Variants in GRID2 observed in about 807,000 individuals in gnomAD.
GRID2 encodes the protein glutamate receptor ionotropic, delta-2.
GRID2 carries 33 observed loss-of-function variants against 114.8 expected under a neutral mutation model. That is an observed-to-expected ratio of 0.29 (90% CI 0.22 to 0.38). GRID2 has a LOEUF of 0.38. Ranked by LOEUF, GRID2 falls within the 10% of genes least tolerant of loss-of-function variation. The pLI is 1.00. For synonymous variants in GRID2, 505 were observed against 449.9 expected, an observed-to-expected ratio of 1.12 and a Z score of -1.55; for missense variants, 1,184 against 1,257.7, an observed-to-expected ratio of 0.94 and a Z score of 0.89.
intron 2 of GRID2, among the ~76,000 whole-genome samples, chr4:92,914,379 G>A (rs1024767089): frequency 3.3e-5 from 5 of 151,882 alleles, no homozygotes. Context: ...ATATATCTAT[G>A]TTCTTCAAAT....
intron 2 of GRID2, among the ~76,000 whole-genome samples, chr4:93,079,185 A>G (rs898264596): frequency 9.2e-5 from 14 of 151,764 alleles, no homozygotes; most frequent in Admixed American, 3.9e-4. Context: ...TATTACATCA[A>G]TGATGGTAGA....
chr4:92,564,540 A>T (rs1009385290), intron 1 of GRID2, among the ~76,000 whole-genome samples: 9 of 152,016 alleles, frequency 5.9e-5, no homozygotes, highest in Admixed American at 2.0e-4. Flanking sequence ...AATGAAATTG[A>T]AGAAGGCCAT....
At chr4:92,570,233 G>A (rs146209568) in intron 1 of GRID2, among the ~76,000 whole-genome samples, 52 of 151,976 alleles carry the variant, frequency 3.4e-4, no homozygotes, top group African/African-American at 5.8e-4. Context: ...CTCATTCCTT[G>A]TTTTTCTCCT....
At chr4:93,082,073 A>G (rs1560859254) in intron 2 of GRID2, among the ~76,000 whole-genome samples, 1 of 152,226 alleles carries the variant, frequency 6.6e-6, no homozygotes, top group Non-Finnish European at 1.5e-5. Flanking sequence ...ATAGGGCCAA[A>G]TGGGCATCAA....
intron 1 of GRID2, among the ~76,000 whole-genome samples, chr4:92,405,631 G>A (rs1579307058): frequency 6.6e-6 from 1 of 150,422 alleles, no homozygotes; most frequent in Non-Finnish European, 1.5e-5. Flanking sequence ...TTTCCACATA[G>A]CAATACATAA....
intron 4 of GRID2, among the ~76,000 whole-genome samples, chr4:93,163,664 G>A (rs762756211): frequency 6.6e-5 from 10 of 150,764 alleles, no homozygotes; most frequent in Non-Finnish European, 1.3e-4. Context: ...TTTTATGATG[G>A]GCTGTCATTA....
chr4:93,332,102 T>G (rs979173065), intron 8 of GRID2, among the ~76,000 whole-genome samples: 7 of 152,100 alleles, frequency 4.6e-5, no homozygotes, highest in Non-Finnish European at 1.0e-4. Context: ...CAGAATGTAT[T>G]GCCAACCCAC....
chr4:92,417,866 T>C (rs550523870), intron 1 of GRID2, among the ~76,000 whole-genome samples: 1 of 152,106 alleles, frequency 6.6e-6, no homozygotes, highest in East Asian at 1.9e-4. Context: ...ATAAGTCTCA[T>C]GCGATCTGAC....
At chr4:92,942,626 T>C (rs1387537205) in intron 2 of GRID2, among the ~76,000 whole-genome samples, 2 of 152,174 alleles carry the variant, frequency 1.3e-5, no homozygotes, top group Non-Finnish European at 2.9e-5. Context: ...TGTTAGCTGG[T>C]TATTTTGCTC....
chr4:92,429,817 T>A (rs772776413), intron 1 of GRID2, among the ~76,000 whole-genome samples: 29 of 152,168 alleles, frequency 1.9e-4, no homozygotes, highest in Non-Finnish European at 2.9e-4. Context: ...AGATGATAGA[T>A]CATTGTAGTG....
At chr4:93,795,987 A>G (rs532677858) in intron 1 of GRID2, among the ~76,000 whole-genome samples, 2 of 152,236 alleles carry the variant, frequency 1.3e-5, no homozygotes, top group African/African-American at 4.8e-5. Flanking sequence ...TTCTCTTCCA[A>G]GTTCACATGG....
intron 4 of GRID2, among the ~76,000 whole-genome samples, chr4:93,181,136 A>T (rs533082950): frequency 6.6e-6 from 1 of 152,274 alleles, no homozygotes; most frequent in Admixed American, 6.6e-5. Flanking sequence ...TTACCCCTTG[A>T]TCTATGGACT....
At chr4:93,499,693 T>A (rs1398098783) in intron 12 of GRID2, among the ~76,000 whole-genome samples, 1 of 151,894 alleles carries the variant, frequency 6.6e-6, no homozygotes, top group Non-Finnish European at 1.5e-5. Flanking sequence ...GTTATATCCA[T>A]CTTGAGAGGC....
intron 14 of GRID2, among the ~76,000 whole-genome samples, chr4:93,679,300 G>C (rs1258883792): frequency 3.3e-5 from 5 of 151,080 alleles, no homozygotes; most frequent in Middle Eastern, 3.4e-3. Context: ...GACCTACAAA[G>C]AGACTTAGAC....
chr4:93,447,576 T>A lies in GRID2; in HGVS notation c.1546-8086T>A, dbSNP rs762938508. On this transcript the variant is annotated intron_variant, in intron 10 of 15. Coordinates refer to ENST00000282020, the MANE Select transcript of GRID2 (RefSeq NM_001510.4). ...GAAAGAAACGTATGGCATGAATTAT[T>A]ATCAAGGAAAACATCCCATCATTAA... Among the ~76,000 whole-genome samples, 31 of 151,962 alleles carry A rather than the reference T, an allele frequency of 2.0e-4. 1 individual carries two copies. Among genetic ancestry groups the A allele is most frequent in the Non-Finnish European group, 2.9e-5 (2 of 67,870 alleles).
At chr4:93,459,826 T>C (rs1242028644) in intron 11 of GRID2, among the ~76,000 whole-genome samples, 1 of 152,156 alleles carries the variant, frequency 6.6e-6, no homozygotes, top group African/African-American at 2.4e-5. Context: ...CCTCTCACAT[T>C]CTCTATTCCA....
intron 2 of GRID2, among the ~76,000 whole-genome samples, chr4:92,915,138 A>T (rs1402210503): frequency 1.3e-5 from 2 of 152,024 alleles, no homozygotes; most frequent in Non-Finnish European, 2.9e-5. Flanking sequence ...CCCTTATTAA[A>T]CCATCAGATC....
intron 2 of GRID2, among the ~76,000 whole-genome samples, chr4:92,926,748 AGCT>A (rs1454228732): frequency 6.6e-6 from 1 of 151,922 alleles, no homozygotes; most frequent in Admixed American, 6.6e-5. Context: ...CAGTTCTGGA[AGCT>A]GGGAAGTCCG....
intron 2 of GRID2, among the ~76,000 whole-genome samples, chr4:92,688,027 CCTTCTT>C (rs1469222629): frequency 8.7e-6 from 1 of 115,066 alleles, no homozygotes; most frequent in Non-Finnish European, 1.8e-5. Flanking sequence ...ATTGGTTGAC[CCTTCTT>C]CTTCTTTTTT....
Sources: allele counts gnomAD v4.1 joint callset (sites outside exome capture counted in the v4.1 genomes callset), GRCh38; gene constraint gnomAD v4.1.1; transcripts MANE v1.5; gene names NCBI Gene and HGNC (gene_info 2026-07-23, HGNC 2026-07-21).